Variants in GABRB1 observed in about 807,000 individuals in gnomAD.
GABRB1 encodes the protein gamma-aminobutyric acid receptor subunit beta-1.
In GABRB1, 17 loss-of-function variants were observed where a neutral mutation model predicts 51.6. The ratio of observed to expected loss-of-function variants is 0.33; its 90% CI spans 0.23 to 0.49. The LOEUF (loss-of-function observed/expected upper bound fraction) is 0.49, where lower values mean the gene tolerates loss of function less well. GABRB1 is among the 20% of genes least tolerant of loss of function. The pLI is 0.99. For missense variants in GABRB1, 410 were observed against 600.6 expected (o/e 0.68, Z 3.32); for synonymous variants, 247 against 218.9 (o/e 1.13, Z -1.14).
chr4:47,251,309 C>A (rs187047830), intron 4 of GABRB1, among the ~76,000 whole-genome samples: 1 of 152,160 alleles, frequency 6.6e-6, no homozygotes, highest in African/African-American at 2.4e-5. Context: ...GTCTATGGGT[C>A]TTTCAGTCAT....
At chr4:47,274,523 A>T (rs988509088) in intron 4 of GABRB1, among the ~76,000 whole-genome samples, 3 of 152,114 alleles carry the variant, frequency 2.0e-5, no homozygotes, top group Non-Finnish European at 2.9e-5. Flanking sequence ...GACATAGAAG[A>T]CTGTTCCAGA....
chr4:47,377,269 G>T (rs1727417004), intron 5 of GABRB1, among the ~76,000 whole-genome samples: 1 of 152,172 alleles, frequency 6.6e-6, no homozygotes, highest in Non-Finnish European at 1.5e-5. Context: ...TCAGCCTCCT[G>T]AGTAGCTGGG....
chr4:47,074,752 T>C (rs1480142610), intron 3 of GABRB1, among the ~76,000 whole-genome samples: 1 of 152,134 alleles, frequency 6.6e-6, no homozygotes, highest in African/African-American at 2.4e-5. Flanking sequence ...ATAGTTGTCA[T>C]AAAAAGATGG....
intron 4 of GABRB1, among the ~76,000 whole-genome samples, chr4:47,305,582 T>C (rs1262509871): frequency 2.0e-5 from 3 of 152,242 alleles, no homozygotes; most frequent in Admixed American, 1.3e-4. Flanking sequence ...TACCATCTGT[T>C]CAGGTGGAAG....
At chr4:47,007,658 A>T (rs193127530) in intron 1 of GABRB1, among the ~76,000 whole-genome samples, 3 of 152,176 alleles carry the variant, frequency 2.0e-5, no homozygotes, top group African/African-American at 7.2e-5. Context: ...ACGAATAGAA[A>T]TTGTACCAAG....
chr4:47,187,256 C>T (rs865952174), intron 4 of GABRB1, among the ~76,000 whole-genome samples: 16 of 151,952 alleles, frequency 1.1e-4, no homozygotes, highest in African/African-American at 3.6e-4. Flanking sequence ...CCAACTTTTG[C>T]TTCAAGTCAC....
In GABRB1 at chr4:47,350,184, TA is replaced by T. The variant is rs1229817084; in HGVS notation, c.544+29976del. 2.3e-4 allele frequency among the ~76,000 whole-genome samples: 11 copies of T among 47,732 alleles called. No homozygotes were observed. In the South Asian group the frequency reaches 4.7e-3, roughly 21 times the overall value. 31.3% of individuals were successfully genotyped at this position (47,732 alleles called of 152,430 possible). On this transcript the variant is annotated intron_variant, in intron 5 of 8. Transcript: ENST00000295454. The stretch of plus-strand genomic sequence containing the variant: ...AAAATATTTCCTCTTGGGCTCAGAT[TA>T]TATATATATATATATATATATATAT...
At chr4:47,055,193 T>C (rs543084993) in intron 3 of GABRB1, among the ~76,000 whole-genome samples, 1 of 152,354 alleles carries the variant, frequency 6.6e-6, no homozygotes, top group South Asian at 2.1e-4. Context: ...TTTAACAAAG[T>C]AATTTAATTG....
intron 3 of GABRB1, among the ~76,000 whole-genome samples, chr4:47,053,995 T>C (rs1392173214): frequency 1.3e-5 from 2 of 152,174 alleles, no homozygotes; most frequent in South Asian, 4.1e-4. Context: ...TTATATACTT[T>C]TCCTATCCTT....
At chr4:47,290,222 G>A (rs1183139842) in intron 4 of GABRB1, among the ~76,000 whole-genome samples, 1 of 152,146 alleles carries the variant, frequency 6.6e-6, no homozygotes. Flanking sequence ...TTGAATCATG[G>A]GGGCAGGTCT....
chr4:47,295,479 G>A (rs1354280293), intron 4 of GABRB1, among the ~76,000 whole-genome samples: 15 of 152,180 alleles, frequency 9.9e-5, no homozygotes, highest in Admixed American at 5.9e-4. Flanking sequence ...CTCAGGAGCC[G>A]ATGTGATCAA....
intron 4 of GABRB1, among the ~76,000 whole-genome samples, chr4:47,301,633 C>A (rs115327892): frequency 8.0e-4 from 116 of 144,828 alleles, no homozygotes; most frequent in South Asian, 1.3e-3. Context: ...GACTCTGTCT[C>A]AAAAAAAAAA....
At chr4:47,406,544 TGCCCAATGG>T in intron 7 of GABRB1, 129 bp from the exon 8 acceptor site, 19 of 976,456 alleles carry the variant, frequency 1.9e-5, no homozygotes, top group Admixed American at 1.6e-4. Context: ...CTGCCCTTTT[TGCCCAATGG>T]TTTATCATGC....
chr4:47,271,694 G>A (rs2109893848), intron 4 of GABRB1, among the ~76,000 whole-genome samples: 1 of 152,240 alleles, frequency 6.6e-6, no homozygotes, highest in Admixed American at 6.5e-5. Flanking sequence ...TTCTTTCAGA[G>A]ATATATCATC....
chr4:47,019,233 G>T (rs1724837161), intron 1 of GABRB1, among the ~76,000 whole-genome samples: 1 of 151,926 alleles, frequency 6.6e-6, no homozygotes, highest in Non-Finnish European at 1.5e-5. Flanking sequence ...TAGATGCTTG[G>T]CTCTTCACTT....
chr4:47,118,029 C>T (rs1277306749), intron 3 of GABRB1, among the ~76,000 whole-genome samples: 2 of 152,088 alleles, frequency 1.3e-5, no homozygotes, highest in Non-Finnish European at 1.5e-5. Flanking sequence ...TAGAACCTGG[C>T]ATCTAGGCAA....
intron 4 of GABRB1, among the ~76,000 whole-genome samples, chr4:47,269,934 C>CCACACACACACACACACA (rs1276810392): frequency 9.2e-5 from 2 of 21,798 alleles, no homozygotes; most frequent in African/African-American, 3.4e-4. Context: ...TCAACTCTCC[C>CCACACACACACACACACA]TACACACACA....
chr4:47,149,534 C>A (rs1281613627), intron 3 of GABRB1, among the ~76,000 whole-genome samples: 1 of 151,962 alleles, frequency 6.6e-6, no homozygotes, highest in African/African-American at 2.4e-5. Flanking sequence ...CTGCCAATTC[C>A]TAATGCCACA....
chr4:47,376,197 G>C (rs1174271322), intron 5 of GABRB1, among the ~76,000 whole-genome samples: 3 of 152,152 alleles, frequency 2.0e-5, no homozygotes, highest in Non-Finnish European at 2.9e-5. Flanking sequence ...ACAGGAGACT[G>C]TCAGAGAAAG....
Sources: allele counts gnomAD v4.1 joint callset (sites outside exome capture counted in the v4.1 genomes callset), GRCh38; gene constraint gnomAD v4.1.1; transcripts MANE v1.5; gene names NCBI Gene and HGNC (gene_info 2026-07-23, HGNC 2026-07-21).